Variants in MAML2 observed in about 807,000 individuals in gnomAD.
MAML2 encodes mastermind-like protein 2.
Under a neutral mutation model 96.1 loss-of-function variants are expected in MAML2, and 22 were observed. The ratio of observed to expected loss-of-function variants is 0.23; its 90% CI spans 0.16 to 0.33. The LOEUF (loss-of-function observed/expected upper bound fraction) is 0.33, where lower values mean the gene tolerates loss of function less well. Among genes scored for constraint, MAML2 ranks in the 10% least tolerant of loss-of-function variants. The probability of loss-of-function intolerance (pLI) is 1.00; values close to 1 mark genes in which losing one functional copy is unlikely to be tolerated. For missense variants in MAML2, 1,367 were observed against 1,392.4 expected (o/e 0.98, Z 0.29); for synonymous variants, 561 against 521.3 (o/e 1.08, Z -1.04).
chr11:96,303,913 A>G (rs1863427030), intron 1 of MAML2, among the ~76,000 whole-genome samples: 2 of 152,184 alleles, frequency 1.3e-5, no homozygotes, highest in Non-Finnish European at 2.9e-5. Context: ...AAAAAATATA[A>G]TCTGAGAACT....
At chr11:96,202,723 G>A (rs1226893672) in intron 1 of MAML2, among the ~76,000 whole-genome samples, 1 of 151,966 alleles carries the variant, frequency 6.6e-6, no homozygotes, top group Non-Finnish European at 1.5e-5. Flanking sequence ...CACCTCCCGG[G>A]TTCAAGCGAT....
At chr11:96,091,802 G>C in intron 2 of MAML2, 90 bp downstream of exon 2, 1 of 1,492,014 alleles carries the variant, frequency 6.7e-7, no homozygotes, top group Non-Finnish European at 9.0e-7. Context: ...TCTTGATCTT[G>C]TCCCAATACA....
chr11:96,340,001 T>C (rs1863970739), intron 1 of MAML2, among the ~76,000 whole-genome samples: 2 of 152,216 alleles, frequency 1.3e-5, no homozygotes, highest in African/African-American at 4.8e-5. Context: ...TTGGTAGTTA[T>C]TTTTCATCTG....
At chr11:96,125,589 C>G (rs1385285457) in intron 1 of MAML2, among the ~76,000 whole-genome samples, 1 of 152,156 alleles carries the variant, frequency 6.6e-6, no homozygotes, top group African/African-American at 2.4e-5. Context: ...TTACGAAATC[C>G]TACGTGTGTC....
chr11:96,158,404 T>G (rs1030858232), intron 1 of MAML2, among the ~76,000 whole-genome samples: 9 of 152,140 alleles, frequency 5.9e-5, no homozygotes, highest in Non-Finnish European at 2.9e-5. Flanking sequence ...TGCCCCAGTT[T>G]CCCTGTGTGG....
chr11:96,072,133 T>A lies in MAML2; in HGVS notation c.2139+19759A>T, dbSNP rs111919860. On this transcript the variant is annotated intron_variant, in intron 2 of 4. Coordinates refer to ENST00000524717, the MANE Select transcript of MAML2 (RefSeq NM_032427.4). ...GAAAATTTCAAGTAGCTATAGAATA[T>A]CTCTAATTCCTCTCTGGCTACCATT... 1.0e-2 allele frequency among the ~76,000 whole-genome samples: 1,517 copies of A among 152,320 alleles called. 23 individuals carry two copies. Among genetic ancestry groups the A allele is most frequent in the South Asian group, 0.039 (187 of 4,830 alleles).
chr11:96,146,871 A>G (rs574347867), intron 1 of MAML2, among the ~76,000 whole-genome samples: 1 of 152,372 alleles, frequency 6.6e-6, no homozygotes, highest in South Asian at 2.1e-4. Context: ...GGCAGTTGAC[A>G]GCCTTTTTTA....
chr11:95,994,598 G>A (rs1857963075), intron 2 of MAML2, among the ~76,000 whole-genome samples: 2 of 152,104 alleles, frequency 1.3e-5, no homozygotes, highest in South Asian at 2.1e-4. Context: ...GATCAGGGAA[G>A]CGTAAAGACA....
chr11:96,228,053 A>C (rs1862240094), intron 1 of MAML2, among the ~76,000 whole-genome samples: 1 of 152,174 alleles, frequency 6.6e-6, no homozygotes, highest in Admixed American at 6.5e-5. Flanking sequence ...AGTGAGCTGA[A>C]ACAGTGCCAC....
intron 1 of MAML2, among the ~76,000 whole-genome samples, chr11:96,179,984 G>A (rs761465572): frequency 6.6e-6 from 1 of 152,156 alleles, no homozygotes; most frequent in Non-Finnish European, 1.5e-5. Flanking sequence ...GGAAAAGCAG[G>A]TACTATAACC....
At chr11:96,117,304 T>A (rs994550365) in intron 1 of MAML2, among the ~76,000 whole-genome samples, 45 of 149,732 alleles carry the variant, frequency 3.0e-4, no homozygotes, top group African/African-American at 9.3e-4. Context: ...TTTTTTTTTT[T>A]AAATTTTTTG....
chr11:96,058,932 A>G (rs748692103), intron 2 of MAML2, among the ~76,000 whole-genome samples: 6 of 152,160 alleles, frequency 3.9e-5, no homozygotes, highest in Admixed American at 3.9e-4. Context: ...AAATACAAAA[A>G]TTAGCTAGGC....
Position 95,991,520 on chromosome 11 carries a change from C to T in MAML2, c.2343G>A (p.Ala781=), listed in dbSNP as rs193287493. 2.0e-4 allele frequency: 316 copies of T among 1,613,404 alleles called. 2 individuals carry two copies. Among genetic ancestry groups the T allele is most frequent in the Admixed American group, 5.7e-4 (34 of 59,982 alleles). The change falls in exon 3 of 5, where the codon GCG becomes GCA. Residue 781 remains alanine (A), a splice_region_variant and synonymous_variant. Coordinates refer to ENST00000524717, the MANE Select transcript of MAML2 (RefSeq NM_032427.4). ...LLLQQQMLAD[A]EKIAPQDQIN... Reference sequence around the variant, plus strand: ...AGTAGAAATTAAGAGAAAGTTTTACCGCGTCAGCCAGCATCTGCTGCTGGA... The same window carrying T: ...AGTAGAAATTAAGAGAAAGTTTTACTGCGTCAGCCAGCATCTGCTGCTGGA...
At chr11:96,063,026 C>T (rs1307109361) in intron 2 of MAML2, among the ~76,000 whole-genome samples, 1 of 152,156 alleles carries the variant, frequency 6.6e-6, no homozygotes, top group Non-Finnish European at 1.5e-5. Flanking sequence ...ATGGCTTATA[C>T]TCATACAAAG....
At chr11:96,228,190 A>T (rs1170582655) in intron 1 of MAML2, among the ~76,000 whole-genome samples, 1 of 152,184 alleles carries the variant, frequency 6.6e-6, no homozygotes, top group Non-Finnish European at 1.5e-5. Flanking sequence ...GCTTCTGGAC[A>T]GCCCAGTCTT....
At chr11:96,067,073 A>G in intron 2 of MAML2, among the ~76,000 whole-genome samples, 1 of 152,190 alleles carries the variant, frequency 6.6e-6, no homozygotes, top group East Asian at 1.9e-4. Context: ...ACCTAGTGAG[A>G]TGGGAAACCA....
Position 96,343,052 on chromosome 11 carries a change from T to TG in MAML2, c.-1158dup. 2.5e-6 allele frequency: 1 copy of TG among 397,382 alleles called. No homozygotes were observed. Among genetic ancestry groups the TG allele is most frequent in the Non-Finnish European group, 4.4e-6 (1 of 225,436 alleles). The allele number at this position is 397,382 out of a possible 1,614,324, so 24.6% of individuals were successfully genotyped here. On this transcript the variant is annotated 5_prime_UTR_variant, in exon 1 of 5. Coordinates refer to ENST00000524717, the MANE Select transcript of MAML2 (RefSeq NM_032427.4). ...TCCTGTATTTGCTCCGCTTTATAGATGGAAAAAAAAAGTAGCTTGTATTTT... is the reference window on the plus strand; with the variant it reads ...TCCTGTATTTGCTCCGCTTTATAGATGGGAAAAAAAAAGTAGCTTGTATTTT...
At chr11:96,321,145 C>T (rs77348765) in intron 1 of MAML2, among the ~76,000 whole-genome samples, 140 of 152,300 alleles carry the variant, frequency 9.2e-4, no homozygotes, top group African/African-American at 3.1e-3. Context: ...AACATACTTC[C>T]AGATCTTTCT....
At chr11:96,098,299 C>A (rs1042266942) in intron 1 of MAML2, among the ~76,000 whole-genome samples, 5 of 152,180 alleles carry the variant, frequency 3.3e-5, no homozygotes, top group South Asian at 2.1e-4. Flanking sequence ...TGAACCATAT[C>A]CTATCAAATC....
Sources: gnomAD v4.1 joint callset for allele counts (sites outside exome capture counted in the v4.1 genomes callset) on GRCh38, gnomAD v4.1.1 for gene constraint, MANE v1.5 for transcripts, NCBI Gene and HGNC (gene_info 2026-07-23, HGNC 2026-07-21) for gene names.